Variants in PRRC2B observed in about 807,000 individuals in gnomAD.
PRRC2B encodes protein PRRC2B.
PRRC2B carries 68 observed loss-of-function variants against 242.3 expected under a neutral mutation model. The observed-to-expected ratio is 0.28, with a 90% confidence interval of 0.23 to 0.34. The LOEUF (loss-of-function observed/expected upper bound fraction) is 0.34, where lower values mean the gene tolerates loss of function less well. PRRC2B is among the 10% of genes least tolerant of loss of function. The pLI, the probability that PRRC2B is intolerant of heterozygous loss-of-function variation, is 1.00. For synonymous variants in PRRC2B, 1,228 were observed against 1,173.6 expected, an observed-to-expected ratio of 1.05 and a Z score of -0.95; for missense variants, 2,835 against 2,954.8, an observed-to-expected ratio of 0.96 and a Z score of 0.94.
At chr9:131,399,004 G>A (rs1487678527) in intron 1 of PRRC2B, among the ~76,000 whole-genome samples, 1 of 151,748 alleles carries the variant, frequency 6.6e-6, no homozygotes, top group Non-Finnish European at 1.5e-5. Flanking sequence ...GGTCGGGCAC[G>A]GTGGCTCACG....
intron 3 of PRRC2B, 105 bp from the exon 4 acceptor site, chr9:131,436,515 G>C: frequency 1.2e-6 from 1 of 805,308 alleles, no homozygotes. Context: ...GCCAGAGGAG[G>C]TCTGCTTCCT....
rs917198420 is a variant in PRRC2B at position 131,464,994 on chromosome 9, C to T, written c.1636C>T (p.Arg546Trp). 6.2e-6 allele frequency: 10 copies of T among 1,613,938 alleles called. No homozygotes were observed. Among genetic ancestry groups the T allele is most frequent in the Non-Finnish European group, 7.6e-6 (9 of 1,179,888 alleles). Reference protein sequence around the residue: ...CKQARKAGEARKQAEKEVPWS... With the variant: ...CKQARKAGEAWKQAEKEVPWS... ...GCAGGCACGAAAGGCAGGTGAGGCC[C>T]GGAAGCAGGCAGAGAAGGAAGTGCC... Residue 546 changes from arginine to tryptophan, a missense_variant, in exon 12 of 32, where the codon CGG becomes TGG. By Grantham distance (101) the Arg-to-Trp change is moderately radical. This residue lies in a region of PRRC2B where 1,536 missense variants were observed against 1,483.1 expected (regional missense o/e 1.04). Coordinates refer to ENST00000683519, the MANE Select transcript of PRRC2B (RefSeq NM_013318.4).
Position 131,444,245 on chromosome 9 carries a change from C to T in PRRC2B, c.530C>T (p.Ala177Val), listed in dbSNP as rs748386805. Residue 177 changes from alanine to valine, a missense_variant, in exon 6 of 32, where the codon GCA becomes GTA. Physicochemically the swap from Ala to Val is moderately conservative, Grantham distance 64. Around this residue, in one of 7 missense-constraint regions of PRRC2B, gnomAD observed 626 missense variants for 685.5 expected, o/e 0.91. Coordinates refer to ENST00000683519, the MANE Select transcript of PRRC2B (RefSeq NM_013318.4). Reference sequence around the variant, plus strand: ...CCCGAGGAATTTCCGACGCTGAAAGCAGCTGGAGGGCAGGACAAGGCTGGC... The same window carrying T: ...CCCGAGGAATTTCCGACGCTGAAAGTAGCTGGAGGGCAGGACAAGGCTGGC... The part of the protein sequence containing the change: ...FSPEEFPTLK[A>V]AGGQDKAGKE... 2 of 1,613,862 alleles carry T rather than the reference C, an allele frequency of 1.2e-6. No homozygotes were observed. The highest frequency in any genetic ancestry group is 1.7e-6 in the Non-Finnish European group (2 of 1,179,894).
At chr9:131,406,942 G>A (rs530792911) in intron 1 of PRRC2B, among the ~76,000 whole-genome samples, 2 of 152,294 alleles carry the variant, frequency 1.3e-5, no homozygotes, top group African/African-American at 4.8e-5. Context: ...TAACTAAGGG[G>A]ACTGTTTTAA....
chr9:131,395,362 G>C (rs897174954), intron 1 of PRRC2B, among the ~76,000 whole-genome samples: 55 of 152,236 alleles, frequency 3.6e-4, no homozygotes, highest in African/African-American at 1.2e-3. Flanking sequence ...TGCGGTCTTA[G>C]CATGGTTTTT....
At chr9:131,490,715 C>T (rs965748036) in intron 28 of PRRC2B, 33 of 419,802 alleles carry the variant, frequency 7.9e-5, no homozygotes, top group African/African-American at 5.3e-4. Context: ...TCAAAGGACC[C>T]CCACAGTCTG....
intron 12 of PRRC2B, among the ~76,000 whole-genome samples, chr9:131,465,342 C>CT (rs1341538093): frequency 6.6e-6 from 1 of 152,100 alleles, no homozygotes; most frequent in Non-Finnish European, 1.5e-5. Context: ...ATGAATGATC[C>CT]TATCACCCAG....
upstream of PRRC2B, among the ~76,000 whole-genome samples, chr9:131,392,056 C>A (rs1387284393): frequency 1.3e-5 from 2 of 151,260 alleles, no homozygotes; most frequent in Non-Finnish European, 2.9e-5. Context: ...AATAAAGAAT[C>A]TGAGGCTTCA....
intron 1 of PRRC2B, among the ~76,000 whole-genome samples, chr9:131,377,578 C>CT (rs1351234063): frequency 3.3e-5 from 5 of 152,038 alleles, no homozygotes; most frequent in African/African-American, 1.2e-4. Flanking sequence ...GTAAGCCCCT[C>CT]TTTGAGTTCT....
At chr9:131,430,039 CTCTT>C (rs1838081677) in intron 1 of PRRC2B, 51 bp from the exon 2 acceptor site, 2 of 648,242 alleles carry the variant, frequency 3.1e-6, no homozygotes, top group Admixed American at 2.7e-5. Context: ...TGTAGTGACA[CTCTT>C]TTTTTTTTTT....
intron 9 of PRRC2B, among the ~76,000 whole-genome samples, chr9:131,454,145 T>G (rs1248341165): frequency 6.6e-6 from 1 of 152,250 alleles, no homozygotes; most frequent in East Asian, 1.9e-4. Flanking sequence ...TTGTCTGGCT[T>G]CTTTCACTTA....
chr9:131,396,698 A>G (rs1217953015), intron 1 of PRRC2B, among the ~76,000 whole-genome samples: 2 of 151,270 alleles, frequency 1.3e-5, no homozygotes, highest in South Asian at 2.1e-4. Flanking sequence ...CCCAAATTCT[A>G]TGGCCGGCTA....
chr9:131,395,611 GGTT>G (rs1837029823), intron 1 of PRRC2B, among the ~76,000 whole-genome samples: 1 of 152,198 alleles, frequency 6.6e-6, no homozygotes, highest in Non-Finnish European at 1.5e-5. Context: ...TTCCTCCTAC[GGTT>G]GTTGGTATAA....
Position 131,470,917 on chromosome 9 carries a change from A to C in PRRC2B, c.2041A>C (p.Met681Leu). The C allele has an allele frequency of 6.2e-7, 1 of 1,611,884 alleles. No homozygotes were observed. Among genetic ancestry groups the C allele is most frequent in the East Asian group, 2.2e-5 (1 of 44,724 alleles). Residue 681 changes from methionine to leucine, a missense_variant, in exon 14 of 32, where the codon ATG (methionine) becomes CTG (leucine). Met to Leu is a conservative substitution (Grantham distance 15, BLOSUM62 2). This residue lies in a region of PRRC2B where 1,536 missense variants were observed against 1,483.1 expected (regional missense o/e 1.04). Coordinates refer to ENST00000683519, the MANE Select transcript of PRRC2B (RefSeq NM_013318.4). ...CAGGTGGATGATGATGCCTTCCTAC[A>C]TGGACCCACGTATCACGCCCACTCG... ...DPRWMMMPSYMDPRITPTRTP... is the reference protein window; with the variant it reads ...DPRWMMMPSYLDPRITPTRTP...
At chr9:131,468,965 T>C (rs1943468256) in intron 13 of PRRC2B, among the ~76,000 whole-genome samples, 1 of 152,202 alleles carries the variant, frequency 6.6e-6, no homozygotes, top group African/African-American at 2.4e-5. Context: ...CTGGAATTAC[T>C]TGCGCCAAAC....
chr9:131,457,857 G>A (rs1943127508), intron 10 of PRRC2B, among the ~76,000 whole-genome samples: 1 of 152,056 alleles, frequency 6.6e-6, no homozygotes, highest in Non-Finnish European at 1.5e-5. Flanking sequence ...TGTCCCCTCT[G>A]TAATTTTCCC....
At chr9:131,443,968 T>G (rs1362846314) in intron 5 of PRRC2B, among the ~76,000 whole-genome samples, 1 of 152,220 alleles carries the variant, frequency 6.6e-6, no homozygotes, top group African/African-American at 2.4e-5. Context: ...CACTGGTCCT[T>G]GCAGGTCAGC....
intron 1 of PRRC2B, among the ~76,000 whole-genome samples, chr9:131,414,898 T>G (rs971655934): frequency 2.6e-5 from 4 of 151,892 alleles, no homozygotes; most frequent in Non-Finnish European, 2.9e-5. Context: ...TGGTCGTCAT[T>G]CTGGGACTTG....
chr9:131,432,085 C>T (rs752729724), intron 2 of PRRC2B, among the ~76,000 whole-genome samples: 14 of 152,154 alleles, frequency 9.2e-5, no homozygotes, highest in East Asian at 1.9e-4. Context: ...TGAGCCACCA[C>T]GCCTGGTGTG....
Sources: allele counts gnomAD v4.1 joint callset (sites outside exome capture counted in the v4.1 genomes callset), GRCh38; gene constraint gnomAD v4.1.1; regional missense constraint gnomAD v4.1.1; transcripts MANE v1.5; gene names NCBI Gene and HGNC (gene_info 2026-07-23, HGNC 2026-07-21).